Variants in UBE2U observed in about 807,000 individuals in gnomAD.
The protein encoded by UBE2U is ubiquitin-conjugating enzyme E2 U.
Under a neutral mutation model 41.2 loss-of-function variants are expected in UBE2U, and 39 were observed. The ratio of observed to expected loss-of-function variants is 0.95; its 90% CI spans 0.73 to 1.24. The LOEUF (loss-of-function observed/expected upper bound fraction) is 1.24. Among genes scored for constraint, UBE2U ranks in the 50% most tolerant of loss-of-function variants. The pLI is 0.00. For synonymous variants in UBE2U, 107 were observed against 117.8 expected (o/e 0.91, Z 0.60); for missense variants, 336 against 363.1 (o/e 0.93, Z 0.61).
At position 64,239,533 on chromosome 1, in the gene UBE2U, G is replaced by A. The variant is rs58446944; in HGVS notation, c.596-2119G>A. 1.9e-4 allele frequency among the ~76,000 whole-genome samples: 20 copies of A among 103,042 alleles called. No individual in the cohort carries two copies. In the East Asian group the frequency reaches 5.0e-3, roughly 26 times the overall value. The allele number at this position is 103,042 out of a possible 152,430, so 67.6% of individuals were successfully genotyped here. On this transcript the variant is annotated intron_variant, in intron 7 of 9. Coordinates refer to ENST00000371077, the MANE Select transcript of UBE2U (RefSeq NM_001366232.2). ...TCCCTCCCCCCTCCCCCCACCCCAC[G>A]ACAGGCCTTGGTGTGTGATGTTCCC...
At chr1:64,266,982 T>A in intron 9 of UBE2U, 42 bp from the exon 10 acceptor site, 1 of 1,494,740 alleles carries the variant, frequency 6.7e-7, no homozygotes, top group Non-Finnish European at 9.0e-7. Flanking sequence ...GTTTTTCTTA[T>A]TATGTCTATT....
intron 6 of UBE2U, among the ~76,000 whole-genome samples, chr1:64,232,084 G>A (rs1427241474): frequency 6.6e-6 from 1 of 152,170 alleles, no homozygotes; most frequent in Non-Finnish European, 1.5e-5. Context: ...TTTGAAAATA[G>A]CCAGATTCTC....
chr1:64,251,740 T>G (rs1334140976), intron 8 of UBE2U, among the ~76,000 whole-genome samples: 1 of 152,194 alleles, frequency 6.6e-6, no homozygotes, highest in Non-Finnish European at 1.5e-5. Context: ...GAGCCCCTGC[T>G]ACCAGGGCCT....
chr1:64,223,092 G>C (rs947622805), intron 6 of UBE2U, among the ~76,000 whole-genome samples: 1 of 152,146 alleles, frequency 6.6e-6, no homozygotes, highest in Non-Finnish European at 1.5e-5. Context: ...AGAATGTACT[G>C]TAGTCATCCA....
intron 7 of UBE2U, among the ~76,000 whole-genome samples, chr1:64,233,197 C>T (rs372084751): frequency 1.3e-5 from 2 of 151,768 alleles, no homozygotes; most frequent in African/African-American, 2.4e-5. Flanking sequence ...TTAATAGAGA[C>T]GGGGTTTCAG....
intron 7 of UBE2U, among the ~76,000 whole-genome samples, chr1:64,237,046 T>C (rs1427619305): frequency 1.3e-5 from 2 of 152,160 alleles, no homozygotes; most frequent in African/African-American, 4.8e-5. Flanking sequence ...AGAAACTCCT[T>C]AGCCCTGTAT....
chr1:64,221,633 C>T (rs1406806572), intron 6 of UBE2U, among the ~76,000 whole-genome samples: 1 of 152,176 alleles, frequency 6.6e-6, no homozygotes, highest in African/African-American at 2.4e-5. Context: ...GGCCTAGAAA[C>T]ACACATACGG....
intron 7 of UBE2U, among the ~76,000 whole-genome samples, chr1:64,236,541 A>G (rs1644671023): frequency 6.6e-6 from 1 of 152,184 alleles, no homozygotes. Context: ...AAACCAATAC[A>G]TATATATGGT....
intron 7 of UBE2U, among the ~76,000 whole-genome samples, chr1:64,239,157 A>AAGAAGGAGAAGAAG: frequency 8.1e-5 from 3 of 37,064 alleles, no homozygotes; most frequent in African/African-American, 2.5e-4. Context: ...GAAGAAGAAG[A>AAGAAGGAGAAGAAG]AAGAAGAAGA....
chr1:64,262,102 A>G (rs1469665962), intron 9 of UBE2U, among the ~76,000 whole-genome samples: 1 of 152,142 alleles, frequency 6.6e-6, no homozygotes, highest in African/African-American at 2.4e-5. Flanking sequence ...AAAAAATTTG[A>G]GCAGTACACT....
intron 8 of UBE2U, among the ~76,000 whole-genome samples, chr1:64,244,713 C>T (rs1340705404): frequency 6.6e-6 from 1 of 152,126 alleles, no homozygotes; most frequent in African/African-American, 2.4e-5. Flanking sequence ...ACCCCATCCT[C>T]TCTCTCCATA....
At chr1:64,238,181 G>A (rs1644704648) in intron 7 of UBE2U, among the ~76,000 whole-genome samples, 1 of 152,162 alleles carries the variant, frequency 6.6e-6, no homozygotes, top group African/African-American at 2.4e-5. Context: ...AAGACAGGTG[G>A]ATCAGTTGAG....
Position 64,226,597 on chromosome 1 carries a change from C to T in UBE2U, c.506+5690C>T, listed in dbSNP as rs369867921. Among the ~76,000 whole-genome samples, 70 of 152,078 alleles carry T rather than the reference C, an allele frequency of 4.6e-4. 1 individual carries two copies. In the South Asian group the frequency reaches 0.014, roughly 30 times the overall value. ...GGGCCTGTAATCCCAGCTATTTGGCCAAGGTGGAAGGATTGCTTGAGCCCA... is the reference window on the plus strand; with the variant it reads ...GGGCCTGTAATCCCAGCTATTTGGCTAAGGTGGAAGGATTGCTTGAGCCCA... On this transcript the variant is annotated intron_variant, in intron 6 of 9. Transcript: ENST00000371077.
At chr1:64,264,674 G>T (rs12128505) in intron 9 of UBE2U, among the ~76,000 whole-genome samples, 1 of 151,944 alleles carries the variant, frequency 6.6e-6, no homozygotes, top group Non-Finnish European at 1.5e-5. Context: ...GAAATGGGGC[G>T]GGGCGCAGTG....
chr1:64,266,245 T>A (rs537249115), intron 9 of UBE2U, among the ~76,000 whole-genome samples: 34 of 152,346 alleles, frequency 2.2e-4, no homozygotes, highest in Non-Finnish European at 4.6e-4. Flanking sequence ...TTACAAGGCC[T>A]ATAAGATAAA....
intron 8 of UBE2U, among the ~76,000 whole-genome samples, chr1:64,254,896 A>G (rs1570138831): frequency 6.6e-6 from 1 of 152,162 alleles, no homozygotes; most frequent in East Asian, 1.9e-4. Context: ...CCCCAAAGCT[A>G]ATAGAAGACA....
At chr1:64,221,453 T>C (rs1364354957) in intron 6 of UBE2U, among the ~76,000 whole-genome samples, 5 of 152,118 alleles carry the variant, frequency 3.3e-5, no homozygotes, top group Non-Finnish European at 7.4e-5. Flanking sequence ...GAAGAATGTA[T>C]TGTCAACAAA....
chr1:64,240,612 C>CT (rs1557733480), intron 7 of UBE2U, among the ~76,000 whole-genome samples: 1 of 152,174 alleles, frequency 6.6e-6, no homozygotes, highest in East Asian at 1.9e-4. Flanking sequence ...CAAGCAAGGT[C>CT]TTTAATGTCA....
At chr1:64,244,437 G>A (rs1328068583) in intron 8 of UBE2U, 1 of 240,444 alleles carries the variant, frequency 4.2e-6, no homozygotes, top group Non-Finnish European at 6.7e-6. Flanking sequence ...GAGAGGAGGA[G>A]ATGAAAGTTC....
Sources: allele counts gnomAD v4.1 joint callset (sites outside exome capture counted in the v4.1 genomes callset), GRCh38; gene constraint gnomAD v4.1.1; transcripts MANE v1.5; gene names NCBI Gene and HGNC (gene_info 2026-07-23, HGNC 2026-07-21).